Variants in CAPN8 observed in about 807,000 individuals in gnomAD.
CAPN8 encodes calpain 8.
Under a neutral mutation model 80.9 loss-of-function variants are expected in CAPN8, and 87 were observed. The ratio of observed to expected loss-of-function variants is 1.07; its 90% CI spans 0.90 to 1.28. The LOEUF (loss-of-function observed/expected upper bound fraction) is 1.28. Among genes scored for constraint, CAPN8 ranks in the 50% most tolerant of loss-of-function variants. The probability of loss-of-function intolerance (pLI) is 0.00; values close to 1 mark genes in which losing one functional copy is unlikely to be tolerated. For missense variants in CAPN8, 757 were observed against 702.0 expected, an observed-to-expected ratio of 1.08 and a Z score of -0.89; for synonymous variants, 299 against 273.8, an observed-to-expected ratio of 1.09 and a Z score of -0.91.
At chr1:223,551,425 G>A (rs929905729) in intron 14 of CAPN8, among the ~76,000 whole-genome samples, 2 of 152,162 alleles carry the variant, frequency 1.3e-5, no homozygotes, top group African/African-American at 4.8e-5. Context: ...ACAGGCATGA[G>A]CCACCGTGCC....
At chr1:223,658,982 GCAGCCTGCCACCTACC>G (rs1266181885) in intron 1 of CAPN8, among the ~76,000 whole-genome samples, 1 of 152,148 alleles carries the variant, frequency 6.6e-6, no homozygotes, top group East Asian at 1.9e-4. Flanking sequence ...CTGTGAAGAG[GCAGCCTGCCACCTACC>G]CACACTTAGA....
chr1:223,617,950 T>G, intron 9 of CAPN8: 1 of 325,544 alleles, frequency 3.1e-6, no homozygotes, highest in African/African-American at 2.1e-5. Context: ...ACCGGGAGCT[T>G]TGGGTTGGAT....
At chr1:223,646,809 C>T (rs1030297034) in intron 2 of CAPN8, among the ~76,000 whole-genome samples, 1 of 152,190 alleles carries the variant, frequency 6.6e-6, no homozygotes, top group African/African-American at 2.4e-5. Flanking sequence ...GAGAGCAGAG[C>T]TGGTAGGTGT....
Position 223,620,240 on chromosome 1 carries a change from G to T in CAPN8, c.926C>A (p.Pro309His). 1 of 1,551,590 alleles carries T rather than the reference G, an allele frequency of 6.4e-7. No individual in the cohort carries two copies. Residue 309 changes from proline (P) to histidine (H), a missense_variant, in exon 8 of 21, where the codon CCC (proline) becomes CAC (histidine). By Grantham distance (77) the Pro-to-His change is moderately conservative (BLOSUM62 -2). Coordinates refer to ENST00000366872, the MANE Select transcript of CAPN8 (RefSeq NM_001143962.2). ...CTTGTCCAGTTCTTCCTTCCGCCGG[G>T]GGTCTATGTGATTCCACTCTGGTGC... is the stretch of plus-strand genomic sequence containing the variant. ...DDAPEWNHID[P>H]RRKEELDKKV...
At chr1:223,554,420 T>C (rs914054943) in intron 13 of CAPN8, among the ~76,000 whole-genome samples, 3 of 152,062 alleles carry the variant, frequency 2.0e-5, no homozygotes, top group African/African-American at 4.8e-5. Context: ...AGGAGTTCGA[T>C]AGTAGCCTGG....
At chr1:223,644,871 C>T (rs1658146033) in intron 2 of CAPN8, among the ~76,000 whole-genome samples, 1 of 152,190 alleles carries the variant, frequency 6.6e-6, no homozygotes, top group Non-Finnish European at 1.5e-5. Flanking sequence ...AGAGTTAATC[C>T]TTCCCTAGAT....
chr1:223,628,008 C>A lies in CAPN8; in HGVS notation c.560+1G>T, dbSNP rs759943524. On this transcript the variant is annotated splice_donor_variant, in intron 4 of 20. Transcript: ENST00000366872. LOFTEE classifies it high-confidence loss of function. Reference sequence around the variant, plus strand: ...CCCAGCTCCTGGCTTCCCCCACTTACTTGGCATAGGCTTTCTCCAGCAGGG... The same window carrying A: ...CCCAGCTCCTGGCTTCCCCCACTTAATTGGCATAGGCTTTCTCCAGCAGGG... The A allele has an allele frequency of 2.0e-6, 3 of 1,532,754 alleles. No individual in the cohort carries two copies. In the African/African-American group the frequency reaches 4.1e-5, roughly 21 times the overall value. 94.9% of individuals were successfully genotyped at this position (1,532,754 alleles called of 1,614,324 possible). A position where few individuals can be genotyped will look rare whatever the true frequency, so the allele number is the denominator to read the frequency against.
At chr1:223,556,434 T>A in intron 13 of CAPN8, among the ~76,000 whole-genome samples, 1 of 152,184 alleles carries the variant, frequency 6.6e-6, no homozygotes, top group East Asian at 1.9e-4. Flanking sequence ...AATGGCTCCA[T>A]AGCCATGTCC....
chr1:223,617,899 T>G, intron 9 of CAPN8: 1 of 210,460 alleles, frequency 4.8e-6, no homozygotes. Flanking sequence ...GTGGACCCCT[T>G]TCCTTCCTCT....
At chr1:223,619,142 A>C in intron 9 of CAPN8, 151 bp downstream of exon 9, 3 of 878,672 alleles carry the variant, frequency 3.4e-6, no homozygotes, top group Non-Finnish European at 5.1e-6. Flanking sequence ...TGTGATGAGC[A>C]GAGATCGTGC....
At chr1:223,548,204 T>G (rs74372558) in intron 16 of CAPN8, among the ~76,000 whole-genome samples, 1 of 151,692 alleles carries the variant, frequency 6.6e-6, no homozygotes. Context: ...CCCAAGGAAC[T>G]GAGAAAAACC....
intron 12 of CAPN8, among the ~76,000 whole-genome samples, chr1:223,558,696 T>C (rs1026651035): frequency 7.2e-5 from 11 of 151,950 alleles, no homozygotes; most frequent in South Asian, 6.3e-4. Context: ...GTACATGGTG[T>C]GTGTGAATGG....
At chr1:223,553,262 G>A (rs1333017850) in intron 14 of CAPN8, among the ~76,000 whole-genome samples, 1 of 152,206 alleles carries the variant, frequency 6.6e-6, no homozygotes, top group Non-Finnish European at 1.5e-5. Context: ...AGCCAGGGCA[G>A]GGGAGAAGGA....
chr1:223,626,339 G>T (rs1453907281), intron 5 of CAPN8, among the ~76,000 whole-genome samples: 1 of 151,740 alleles, frequency 6.6e-6, no homozygotes, highest in Non-Finnish European at 1.5e-5. Context: ...CACATCTCCT[G>T]CTGGGGTTTG....
In CAPN8 at chr1:223,628,721, G is replaced by A. The variant is rs201643060; in HGVS notation, c.367C>T (p.Arg123Trp). ...SLTLNEELLY[R>W]VVPRDQDFQE... Reference sequence around the variant, plus strand: ...AAGTCCTGGTCCCTGGGGACCACCCGGTAAAGCAGCTCTTCATTCAGGGTC... The same window carrying A: ...AAGTCCTGGTCCCTGGGGACCACCCAGTAAAGCAGCTCTTCATTCAGGGTC... Residue 123 changes from arginine (R) to tryptophan (W), a missense_variant, in exon 3 of 21, where the codon CGG becomes TGG. Coordinates refer to ENST00000366872, the MANE Select transcript of CAPN8 (RefSeq NM_001143962.2). 38 of 1,552,126 alleles carry A rather than the reference G, an allele frequency of 2.4e-5. No homozygotes were observed. Among genetic ancestry groups the A allele is most frequent in the South Asian group, 1.7e-4 (14 of 84,090 alleles).
chr1:223,546,634 A>T (rs1489030924), intron 16 of CAPN8, among the ~76,000 whole-genome samples: 1 of 152,180 alleles, frequency 6.6e-6, no homozygotes, highest in Non-Finnish European at 1.5e-5. Context: ...ATCTCATTTC[A>T]TCCTAACAAT....
intron 2 of CAPN8, among the ~76,000 whole-genome samples, chr1:223,641,352 A>G (rs1658034499): frequency 8.5e-6 from 1 of 117,108 alleles, no homozygotes; most frequent in South Asian, 2.9e-4. Context: ...TAAGATACTG[A>G]TCAAGCCTTT....
chr1:223,625,857 G>C lies in CAPN8; in HGVS notation c.761C>G (p.Thr254Ser). The change falls in exon 6 of 21, where the codon ACC becomes AGC. Residue 254 changes from threonine to serine, a missense_variant. Thr to Ser is a moderately conservative substitution (Grantham distance 58). Transcript: ENST00000366872. The part of the protein sequence containing the change: ...VSSAAEAEAI[T>S]SQKLVKSHAY... ...ATGACTCTTAACCAGCTTCTGGCTG[G>C]TGATGGCTTCGGCTTCGGCTGCACT... 1.3e-6 allele frequency: 2 copies of C among 1,551,600 alleles called. No homozygotes were observed. Among genetic ancestry groups the C allele is most frequent in the Non-Finnish European group, 1.7e-6 (2 of 1,146,858 alleles).
intron 7 of CAPN8, 135 bp from the exon 8 acceptor site, chr1:223,620,401 A>G: frequency 1.3e-6 from 1 of 748,026 alleles, no homozygotes; most frequent in Non-Finnish European, 2.2e-6. Flanking sequence ...AGAAAGGCAG[A>G]ATGGACAGTG....
Sources: allele counts gnomAD v4.1 joint callset (sites outside exome capture counted in the v4.1 genomes callset), GRCh38; gene constraint gnomAD v4.1.1; transcripts MANE v1.5; gene names NCBI Gene and HGNC (gene_info 2026-07-23, HGNC 2026-07-21).